The following TMC2 variants were observed in gnomAD, a reference collection of about 807,000 sequenced individuals.
TMC2 encodes the protein transmembrane channel-like protein 2.
In TMC2, 102 loss-of-function variants were observed where a neutral mutation model predicts 105.9. The ratio of observed to expected loss-of-function variants is 0.96; its 90% CI spans 0.82 to 1.14. The LOEUF (loss-of-function observed/expected upper bound fraction) is 1.14, where lower values mean the gene tolerates loss of function less well. Ranked by LOEUF, TMC2 falls within the 50% of genes most tolerant of loss-of-function variation. TMC2 has a pLI of 0.00. For synonymous variants in TMC2, 402 were observed against 422.8 expected (o/e 0.95, Z 0.60); for missense variants, 1,093 against 1,134.3 (o/e 0.96, Z 0.52).
At chr20:2,581,176 T>C (rs2086186935) in intron 7 of TMC2, among the ~76,000 whole-genome samples, 1 of 152,210 alleles carries the variant, frequency 6.6e-6, no homozygotes, top group African/African-American at 2.4e-5. Flanking sequence ...ACAGCCACTT[T>C]CAGGACATTA....
intron 2 of TMC2, among the ~76,000 whole-genome samples, chr20:2,552,177 G>A (rs935343475): frequency 3.3e-5 from 5 of 152,178 alleles, no homozygotes; most frequent in African/African-American, 4.8e-5. Flanking sequence ...AGGATTGCTT[G>A]AGAGCAGGAG....
rs149356518 is a variant in TMC2 at position 2,642,902 on chromosome 20, CAGG to C, written c.*1554_*1556del. On this transcript the variant is annotated 3_prime_UTR_variant, in exon 20 of 20. Coordinates refer to ENST00000358864, the MANE Select transcript of TMC2 (RefSeq NM_080751.3). ...ACCCAACCAGGCCCCCAGGGGTTCT[CAGG>C]AGAATCCCCCAGACTCAGAAAGTCA... is the stretch of plus-strand genomic sequence containing the variant. Among the ~76,000 whole-genome samples the C allele has an allele frequency of 0.014, 2,109 of 152,238 alleles. 34 individuals carry two copies. Among genetic ancestry groups the C allele is most frequent in the Middle Eastern group, 0.044 (13 of 294 alleles).
intron 4 of TMC2, among the ~76,000 whole-genome samples, chr20:2,563,867 C>T (rs1381674975): frequency 6.6e-6 from 1 of 152,124 alleles, no homozygotes; most frequent in Non-Finnish European, 1.5e-5. Context: ...GCTGGGACTA[C>T]AGGCATATGC....
At chr20:2,569,068 T>C (rs144230148) in intron 4 of TMC2, among the ~76,000 whole-genome samples, 154 of 152,250 alleles carry the variant, frequency 1.0e-3, no homozygotes, top group Middle Eastern at 3.4e-3. Flanking sequence ...ACTCGCATGA[T>C]TGGGTTTATC....
intron 4 of TMC2, among the ~76,000 whole-genome samples, chr20:2,564,148 C>CTTTT (rs2086046949): frequency 1.1e-5 from 1 of 93,252 alleles, no homozygotes; most frequent in Non-Finnish European, 2.1e-5. Flanking sequence ...TCTCAGCCTC[C>CTTTT]TCTTTTTTTT....
rs199607974 is a variant in TMC2 at position 2,616,437 on chromosome 20, AG to A, written c.1940+234del. 0.021 allele frequency among the ~76,000 whole-genome samples: 3,174 copies of A among 151,848 alleles called. 105 individuals are homozygous for A. The highest frequency in any genetic ancestry group is 0.07 in the African/African-American group (2,887 of 41,254). On this transcript the variant is annotated intron_variant, in intron 15 of 19. Transcript: ENST00000358864. This position sits in a 1 kb window ranked among gnomAD's most constrained non-coding sequence, Gnocchi z 4.8. ...AGAAAGGGAGAGGGGTTGGTGGAGG[AG>A]AAAAGGAAAAGGAAGGAAGGCAGGA...
intron 17 of TMC2, among the ~76,000 whole-genome samples, chr20:2,626,460 G>T (rs1415253193): frequency 1.3e-5 from 2 of 152,128 alleles, no homozygotes; most frequent in African/African-American, 2.4e-5. Flanking sequence ...AGAATGCAGT[G>T]GATATACATG....
intron 11 of TMC2, among the ~76,000 whole-genome samples, chr20:2,608,081 G>A (rs372133182): frequency 1.3e-4 from 19 of 149,510 alleles, no homozygotes; most frequent in Admixed American, 4.0e-4. Context: ...CCAAGACTGC[G>A]CCATTGCACT....
chr20:2,594,983 T>C lies in TMC2; in HGVS notation c.1076+16T>C, dbSNP rs1463031734. On this transcript the variant is annotated intron_variant, in intron 9 of 19. Coordinates refer to ENST00000358864, the MANE Select transcript of TMC2 (RefSeq NM_080751.3). ...TCATTCGATCGTAAGTATGACCGTC[T>C]CATCCGCAGGCTTTGACTTCACAGC... 10 of 1,608,998 alleles carry C rather than the reference T, an allele frequency of 6.2e-6. No individual in the cohort carries two copies. The Middle Eastern group carries it at 8.7e-4, about 139-fold the overall frequency.
At chr20:2,547,971 T>G (rs778017910) in intron 2 of TMC2, among the ~76,000 whole-genome samples, 1 of 152,254 alleles carries the variant, frequency 6.6e-6, no homozygotes, top group Non-Finnish European at 1.5e-5. Context: ...TATTCTTTTT[T>G]TCTTAACAAA....
chr20:2,597,255 A>G lies in TMC2; in HGVS notation c.1181A>G (p.Glu394Gly). 1 of 1,614,100 alleles carries G rather than the reference A, an allele frequency of 6.2e-7. No homozygotes were observed. The highest frequency in any genetic ancestry group is 8.5e-7 in the Non-Finnish European group (1 of 1,179,988). ...TSWDYLIGNS[E>G]TADNKYASIT... is the part of the protein sequence containing the mutation. ...TGGGACTACCTGATCGGGAATTCAGAGACAGCTGATAACAAATATGCATCC... is the reference window on the plus strand; with the variant it reads ...TGGGACTACCTGATCGGGAATTCAGGGACAGCTGATAACAAATATGCATCC... The change falls in exon 10 of 20, where the codon GAG becomes GGG. Residue 394 changes from glutamate (E) to glycine (G), a missense_variant. Coordinates refer to ENST00000358864, the MANE Select transcript of TMC2 (RefSeq NM_080751.3).
chr20:2,630,738 G>T (rs919292046), intron 17 of TMC2, among the ~76,000 whole-genome samples: 15 of 152,206 alleles, frequency 9.9e-5, no homozygotes, highest in African/African-American at 3.6e-4. Flanking sequence ...GTGGAGGATT[G>T]CTTGAACTGA....
At chr20:2,587,733 C>T (rs1199935184) in intron 7 of TMC2, among the ~76,000 whole-genome samples, 1 of 152,064 alleles carries the variant, frequency 6.6e-6, no homozygotes, top group Non-Finnish European at 1.5e-5. Flanking sequence ...TATACCTATA[C>T]TTATCATTTA....
At chr20:2,573,637 T>C (rs1352023848) in intron 5 of TMC2, among the ~76,000 whole-genome samples, 2 of 147,602 alleles carry the variant, frequency 1.4e-5, no homozygotes, top group East Asian at 4.1e-4. Flanking sequence ...CTCGGCTCAC[T>C]GCGAGCTCTG....
chr20:2,633,883 T>C (rs1410040517), intron 17 of TMC2, among the ~76,000 whole-genome samples: 1 of 152,188 alleles, frequency 6.6e-6, no homozygotes, highest in African/African-American at 2.4e-5. Flanking sequence ...TAATTTTGAG[T>C]TCTGAAAAAA....
Position 2,592,251 on chromosome 20 carries a change from T to C in TMC2, c.835-59T>C, listed in dbSNP as rs902075176. 1 of 1,090,738 alleles carries C rather than the reference T, an allele frequency of 9.2e-7. No individual in the cohort carries two copies. The highest frequency in any genetic ancestry group is 1.5e-5 in the African/African-American group (1 of 65,026). 67.6% of individuals were successfully genotyped at this position (1,090,738 alleles called of 1,614,324 possible). On this transcript the variant is annotated intron_variant, in intron 7 of 19. Transcript: ENST00000358864. This position sits in a 1 kb window ranked among gnomAD's most constrained non-coding sequence, Gnocchi z 4.9. ...GAAAGCATTTACCCCAGTATATGAA[T>C]GTCTCTGTGTGTTTGTATTTCCTCC...
chr20:2,562,951 A>AAT lies in TMC2; in HGVS notation c.554+942_554+943insTA, dbSNP rs199506889. ...ACAGAGGGAGACTCTGTATCAAAAA[A>AAT]AAAAGAAAGAAAAGAAAAGAAATAA... On this transcript the variant is annotated intron_variant, in intron 4 of 19. Transcript: ENST00000358864. Among the ~76,000 whole-genome samples, 1,137 of 152,230 alleles carry AAT rather than the reference A, an allele frequency of 7.5e-3. 11 individuals are homozygous for AAT. The highest frequency in any genetic ancestry group is 0.026 in the African/African-American group (1,060 of 41,538).
intron 2 of TMC2, among the ~76,000 whole-genome samples, chr20:2,553,842 T>A (rs921532897): frequency 2.6e-5 from 4 of 152,190 alleles, no homozygotes; most frequent in Non-Finnish European, 5.9e-5. Flanking sequence ...CCAGCAAATT[T>A]ATCAGCATCA....
In TMC2 at chr20:2,558,165, ACTTTC is replaced by A. The variant is rs1398909396; in HGVS notation, c.83-282_83-278del. On this transcript the variant is annotated intron_variant, in intron 2 of 19. Coordinates refer to ENST00000358864, the MANE Select transcript of TMC2 (RefSeq NM_080751.3). The surrounding 1 kb of genome is among the most constrained non-coding windows in gnomAD (Gnocchi z 4.6). ...CGATTCCTCTTGGCCTCTCTGTGTG[ACTTTC>A]CTTTCCTTGGGTATAGGGCAGGACA... 1 of 499,002 alleles carries A rather than the reference ACTTTC, an allele frequency of 2.0e-6. No homozygotes were observed. Among genetic ancestry groups the A allele is most frequent in the Admixed American group, 3.9e-5 (1 of 25,408 alleles). The allele number at this position is 499,002 out of a possible 1,614,324, so 30.9% of individuals were successfully genotyped here. A position where few individuals can be genotyped will look rare whatever the true frequency, so the allele number is the denominator to read the frequency against.
Sources: allele counts gnomAD v4.1 joint callset (sites outside exome capture counted in the v4.1 genomes callset), GRCh38; gene constraint gnomAD v4.1.1; non-coding constraint Gnocchi (gnomAD v3.1); transcripts MANE v1.5; gene names NCBI Gene and HGNC (gene_info 2026-07-23, HGNC 2026-07-21).